The following FXR2 variants were observed in gnomAD, a reference collection of about 807,000 sequenced individuals.
FXR2 encodes the protein RNA-binding protein FXR2.
A neutral mutation model predicts 87.3 loss-of-function variants in FXR2; 9 were observed. The ratio of observed to expected loss-of-function variants is 0.10; its 90% CI spans 0.06 to 0.18. The LOEUF is 0.18. FXR2 is among the 10% of genes least tolerant of loss of function. The pLI is 1.00. For synonymous variants in FXR2, 331 were observed against 328.3 expected (o/e 1.01, Z -0.09); for missense variants, 661 against 893.6 (o/e 0.74, Z 3.32).
chr17:7,601,180 CAAA>C (rs35065111), intron 7 of FXR2, among the ~76,000 whole-genome samples: 2 of 79,370 alleles, frequency 2.5e-5, no homozygotes, highest in African/African-American at 4.6e-5. Flanking sequence ...CTCTGTCTCC[CAAA>C]AAAAAAAAAA....
chr17:7,606,201 C>T, intron 1 of FXR2, 52 bp from the exon 2 acceptor site: 1 of 1,168,764 alleles, frequency 8.6e-7, no homozygotes. Flanking sequence ...CTTTTACTTC[C>T]ACCTTAGCCA....
rs2071666326 is a variant in FXR2 at position 7,592,036 on chromosome 17, T to C, written c.1927-111A>G. The C allele has an allele frequency of 1.6e-6, 2 of 1,284,006 alleles. No homozygotes were observed. Among genetic ancestry groups the C allele is most frequent in the South Asian group, 3.0e-5 (2 of 66,370 alleles). The allele number at this position is 1,284,006 out of a possible 1,614,324, so 79.5% of individuals were successfully genotyped here. A position where few individuals can be genotyped will look rare whatever the true frequency, so the allele number is the denominator to read the frequency against. ...CTCCTGGCATTTGGTGATCCAGAGG[T>C]TGGTTCCCTGATCTCATGATCCAGT... On this transcript the variant is annotated intron_variant, in intron 16 of 16. Coordinates refer to ENST00000250113, the MANE Select transcript of FXR2 (RefSeq NM_004860.4). This position sits in a 1 kb window ranked among gnomAD's most constrained non-coding sequence, Gnocchi z 4.8.
At chr17:7,596,803 A>C (rs1044409152) in intron 7 of FXR2, among the ~76,000 whole-genome samples, 4 of 152,188 alleles carry the variant, frequency 2.6e-5, no homozygotes, top group African/African-American at 9.7e-5. Context: ...CAACAACTTA[A>C]GTAAAAAGTG....
At position 7,593,622 on chromosome 17, in the gene FXR2, C is replaced by A. The variant is rs1423251830; in HGVS notation, c.1111G>T (p.Val371Leu). ...LEYHLSYLQE[V>L]EQLRLERLQI... ...AGCCTCTCCAAGCGAAGCTGCTCTA[C>A]CTCCTGGTTGGGTAAAAGATGGAAG... Residue 371 changes from valine to leucine, a missense_variant, in exon 12 of 17, where the codon GTA (valine) becomes TTA (leucine). Physicochemically the swap from Val to Leu is conservative, Grantham distance 32. Transcript: ENST00000250113. The surrounding 1 kb of genome is among the most constrained non-coding windows in gnomAD (Gnocchi z 6.1). 1 of 1,579,012 alleles carries A rather than the reference C, an allele frequency of 6.3e-7. No homozygotes were observed. The highest frequency in any genetic ancestry group is 8.6e-7 in the Non-Finnish European group (1 of 1,162,892).
At chr17:7,604,482 A>T (rs2071786234) in intron 3 of FXR2, among the ~76,000 whole-genome samples, 1 of 152,174 alleles carries the variant, frequency 6.6e-6, no homozygotes. Context: ...ACCTGAAGTC[A>T]GGAGTTCAAG....
chr17:7,605,844 T>C (rs745687832), intron 2 of FXR2, 106 bp from the exon 3 acceptor site: 9 of 735,030 alleles, frequency 1.2e-5, no homozygotes, highest in Non-Finnish European at 1.9e-5. Flanking sequence ...CCTATCTGGA[T>C]AATTAGAGGC....
At chr17:7,610,045 T>C (rs1567754143) in intron 1 of FXR2, among the ~76,000 whole-genome samples, 2 of 82,148 alleles carry the variant, frequency 2.4e-5, no homozygotes, top group Non-Finnish European at 4.3e-5. Context: ...TATGTATATA[T>C]ATACACACAC....
intron 1 of FXR2, among the ~76,000 whole-genome samples, chr17:7,608,609 T>C: frequency 7.5e-6 from 1 of 132,988 alleles, no homozygotes; most frequent in Admixed American, 7.6e-5. Flanking sequence ...CAGGGCAAAC[T>C]CTGCCTCAAA....
At chr17:7,601,813 G>A (rs778030889) in intron 6 of FXR2, among the ~76,000 whole-genome samples, 7 of 152,074 alleles carry the variant, frequency 4.6e-5, no homozygotes, top group Non-Finnish European at 8.8e-5. Flanking sequence ...TATAATCCCA[G>A]CTACTCCAGA....
rs1324161803 is a variant in FXR2 at position 7,592,371 on chromosome 17, A to T, written c.1826-17T>A. The T allele has an allele frequency of 6.3e-7, 1 of 1,596,642 alleles. No homozygotes were observed. Among genetic ancestry groups the T allele is most frequent in the Admixed American group, 1.7e-5 (1 of 59,998 alleles). ...CCACAGTCACTGGGGAAGGCAGGAG[A>T]TTAAGACTTTCAGATGGAATTCTGG... On this transcript the variant is annotated splice_polypyrimidine_tract_variant and intron_variant, in intron 15 of 16. Coordinates refer to ENST00000250113, the MANE Select transcript of FXR2 (RefSeq NM_004860.4). The surrounding 1 kb of genome is among the most constrained non-coding windows in gnomAD (Gnocchi z 4.8).
In FXR2 at chr17:7,592,289, T is replaced by C; in HGVS notation, c.1891A>G (p.Thr631Ala). Residue 631 changes from threonine to alanine, a missense_variant, in exon 16 of 17, where the codon ACT becomes GCT. Physicochemically the swap from Thr to Ala is moderately conservative, Grantham distance 58. Coordinates refer to ENST00000250113, the MANE Select transcript of FXR2 (RefSeq NM_004860.4). This position sits in a 1 kb window ranked among gnomAD's most constrained non-coding sequence, Gnocchi z 4.8. ...GAAAGAGAGTCTTCTGAGGGTTTAG[T>C]GCGTTCCAGGGGTGGCCTCTGGCGG... Reference protein sequence around the residue: ...QSRQRPPLERTKPSEDSLSGQ... With the variant: ...QSRQRPPLERAKPSEDSLSGQ... The C allele has an allele frequency of 3.7e-6, 6 of 1,613,280 alleles. No individual in the cohort carries two copies. Among genetic ancestry groups the C allele is most frequent in the Non-Finnish European group, 4.2e-6 (5 of 1,179,256 alleles).
Position 7,593,110 on chromosome 17 carries a change from G to A in FXR2, c.1402C>T (p.Pro468Ser). 6.3e-7 allele frequency: 1 copy of A among 1,590,898 alleles called. No homozygotes were observed. The highest frequency in any genetic ancestry group is 1.1e-5 in the South Asian group (1 of 88,194). Reference sequence around the variant, plus strand: ...CGGGTTGGGGGATCCCTGTCGCCAGGCCCAGCTCGGTTGGGCTCCTCTCTC... The same window carrying A: ...CGGGTTGGGGGATCCCTGTCGCCAGACCCAGCTCGGTTGGGCTCCTCTCTC... Reference protein sequence around the residue: ...EKREEPNRAGPGDRDPPTRGE... With the variant: ...EKREEPNRAGSGDRDPPTRGE... The change falls in exon 13 of 17, where the codon CCT becomes TCT. Residue 468 changes from proline (P) to serine (S), a missense_variant. This residue lies in a region of FXR2 where 409 missense variants were observed against 432.0 expected (regional missense o/e 0.95). Coordinates refer to ENST00000250113, the MANE Select transcript of FXR2 (RefSeq NM_004860.4). This position sits in a 1 kb window ranked among gnomAD's most constrained non-coding sequence, Gnocchi z 6.1.
intron 1 of FXR2, among the ~76,000 whole-genome samples, chr17:7,609,986 ATATAC>A (rs1052362245): frequency 6.1e-5 from 6 of 98,038 alleles, no homozygotes; most frequent in African/African-American, 2.4e-4. Context: ...ATACATATAT[ATATAC>A]ATGTATATGT....
At chr17:7,610,332 T>C (rs1234286435) in intron 1 of FXR2, among the ~76,000 whole-genome samples, 2 of 152,156 alleles carry the variant, frequency 1.3e-5, no homozygotes, top group Non-Finnish European at 2.9e-5. Context: ...ATCACTAATT[T>C]ACTGCTTTTG....
At position 7,592,774 on chromosome 17, in the gene FXR2, C is replaced by T. The variant is rs562525637; in HGVS notation, c.1649G>A (p.Arg550His). 7.4e-6 allele frequency: 12 copies of T among 1,613,394 alleles called. No homozygotes were observed. Among genetic ancestry groups the T allele is most frequent in the East Asian group, 2.2e-5 (1 of 44,852 alleles). ...PASARRRRSR[R>H]RRTDEDRTVM... ...GGTCCTGTCTTCATCAGTGCGGCGG[C>T]GGCGGGAGCGGCGGCGCCTGGCACT... is the stretch of plus-strand genomic sequence containing the variant. The change falls in exon 14 of 17, where the codon CGC becomes CAC. Residue 550 changes from arginine to histidine, a missense_variant. Physicochemically the swap from Arg to His is conservative, Grantham distance 29 (BLOSUM62 0). Coordinates refer to ENST00000250113, the MANE Select transcript of FXR2 (RefSeq NM_004860.4). The surrounding 1 kb of genome is among the most constrained non-coding windows in gnomAD (Gnocchi z 4.8).
At chr17:7,609,388 G>C (rs1212175085) in intron 1 of FXR2, among the ~76,000 whole-genome samples, 1 of 152,120 alleles carries the variant, frequency 6.6e-6, no homozygotes, top group Non-Finnish European at 1.5e-5. Context: ...TCTTGCTATA[G>C]AGGCTGCAGT....
intron 7 of FXR2, among the ~76,000 whole-genome samples, chr17:7,600,905 T>C (rs1056227540): frequency 6.6e-6 from 1 of 151,596 alleles, no homozygotes; most frequent in African/African-American, 2.4e-5. Flanking sequence ...TTCAGCCAGG[T>C]GTGGTGGCTC....
In FXR2 at chr17:7,593,355, C is replaced by T. The variant is rs1385079721; in HGVS notation, c.1330+48G>A. 7.0e-7 allele frequency: 1 copy of T among 1,422,942 alleles called. No individual in the cohort carries two copies. The highest frequency in any genetic ancestry group is 9.7e-7 in the Non-Finnish European group (1 of 1,034,286). The allele number at this position is 1,422,942 out of a possible 1,614,324, so 88.1% of individuals were successfully genotyped here. A position where few individuals can be genotyped will look rare whatever the true frequency, so the allele number is the denominator to read the frequency against. On this transcript the variant is annotated intron_variant, in intron 12 of 16. Coordinates refer to ENST00000250113, the MANE Select transcript of FXR2 (RefSeq NM_004860.4). The surrounding 1 kb of genome is among the most constrained non-coding windows in gnomAD (Gnocchi z 6.1). ...ACTTCCATCCAGACCTCTGCCTCTA[C>T]CCACAAGCCCTGCCACTCCTTGCCT...
intron 5 of FXR2, among the ~76,000 whole-genome samples, chr17:7,603,344 A>G (rs2071774871): frequency 1.3e-5 from 2 of 152,010 alleles, no homozygotes; most frequent in African/African-American, 4.8e-5. Flanking sequence ...CCTGACCAAC[A>G]TGGAGAAACC....
Sources: allele counts gnomAD v4.1 joint callset (sites outside exome capture counted in the v4.1 genomes callset), GRCh38; gene constraint gnomAD v4.1.1; regional missense constraint gnomAD v4.1.1; non-coding constraint Gnocchi (gnomAD v3.1); transcripts MANE v1.5; gene names NCBI Gene and HGNC (gene_info 2026-07-23, HGNC 2026-07-21).